BACH2: variants seen among roughly 807,000 people sequenced by gnomAD.
BACH2 encodes the protein transcription regulator protein BACH2.
Under a neutral mutation model 61.8 loss-of-function variants are expected in BACH2, and 5 were observed. The ratio of observed to expected loss-of-function variants is 0.08; its 90% CI spans 0.04 to 0.17. The LOEUF (loss-of-function observed/expected upper bound fraction) is 0.17. Ranked by LOEUF, BACH2 falls within the 10% of genes least tolerant of loss-of-function variation. The pLI is 1.00. For missense variants in BACH2, 824 were observed against 1,091.1 expected (o/e 0.76, Z 3.45); for synonymous variants, 446 against 440.1 (o/e 1.01, Z -0.17).
At chr6:90,016,679 T>C (rs1778081962) in intron 5 of BACH2, among the ~76,000 whole-genome samples, 1 of 152,222 alleles carries the variant, frequency 6.6e-6, no homozygotes, top group African/African-American at 2.4e-5. Context: ...AAGATATAAA[T>C]AATGAGGTAA....
At chr6:90,141,861 A>C (rs765841701) in intron 4 of BACH2, among the ~76,000 whole-genome samples, 9 of 152,186 alleles carry the variant, frequency 5.9e-5, no homozygotes, top group Admixed American at 6.5e-5. Flanking sequence ...AGGGCAGACC[A>C]CTTAAGGCCA....
chr6:90,128,591 C>A (rs374209139), intron 4 of BACH2, among the ~76,000 whole-genome samples: 5 of 152,046 alleles, frequency 3.3e-5, no homozygotes, highest in South Asian at 2.1e-4. Context: ...ACAACAACAA[C>A]AAAAAATTTT....
At chr6:90,011,336 T>C (rs1454512695) in intron 5 of BACH2, among the ~76,000 whole-genome samples, 1 of 152,256 alleles carries the variant, frequency 6.6e-6, no homozygotes, top group Non-Finnish European at 1.5e-5. Flanking sequence ...CCTTTGTATT[T>C]TTACTGAAAA....
At chr6:89,964,994 C>T (rs147113042) in intron 6 of BACH2, among the ~76,000 whole-genome samples, 112 of 152,278 alleles carry the variant, frequency 7.4e-4, no homozygotes, top group African/African-American at 2.5e-3. Context: ...AAGCGATTCT[C>T]GTGCCTCAAC....
intron 1 of BACH2, among the ~76,000 whole-genome samples, chr6:90,291,805 G>A (rs949284438): frequency 6.6e-6 from 1 of 152,122 alleles, no homozygotes; most frequent in Admixed American, 6.5e-5. Flanking sequence ...TCATTCCCAA[G>A]GCCTTGGTGC....
chr6:90,211,588 C>CTGTGTGTGTGTGTG (rs3072674), intron 3 of BACH2, among the ~76,000 whole-genome samples: 81 of 144,136 alleles, frequency 5.6e-4, no homozygotes, highest in Non-Finnish European at 7.7e-4. Flanking sequence ...GTGTCAAGGG[C>CTGTGTGTGTGTGTG]TGTGTGTGTG....
Position 90,102,838 on chromosome 6 carries a change from AT to A in BACH2, c.-161-13730del, listed in dbSNP as rs943504172. ...AATAATAATAATAATAATAATAATA[AT>A]AAAAATAAAAGGACCTTCCATTCAG... On this transcript the variant is annotated intron_variant, in intron 4 of 8. Coordinates refer to ENST00000257749, the MANE Select transcript of BACH2 (RefSeq NM_021813.4). Among the ~76,000 whole-genome samples the A allele has an allele frequency of 3.0e-4, 39 of 128,292 alleles. No homozygotes were observed. In the South Asian group the frequency reaches 3.1e-3, roughly 10 times the overall value. The allele number at this position is 128,292 out of a possible 152,430, so 84.2% of individuals were successfully genotyped here. A position where few individuals can be genotyped will look rare whatever the true frequency, so the allele number is the denominator to read the frequency against.
chr6:90,058,979 T>A (rs1780530431), intron 5 of BACH2, among the ~76,000 whole-genome samples: 1 of 152,182 alleles, frequency 6.6e-6, no homozygotes, highest in Non-Finnish European at 1.5e-5. Context: ...TAATTCAAGA[T>A]GGATTAAAGA....
intron 4 of BACH2, among the ~76,000 whole-genome samples, chr6:90,169,408 ACTC>A (rs1357826924): frequency 6.6e-6 from 1 of 152,030 alleles, no homozygotes; most frequent in East Asian, 1.9e-4. Flanking sequence ...TTCTGCAATA[ACTC>A]CTCCTATTCT....
At chr6:90,040,579 G>T (rs904485237) in intron 5 of BACH2, among the ~76,000 whole-genome samples, 10 of 151,132 alleles carry the variant, frequency 6.6e-5, no homozygotes, top group Admixed American at 5.3e-4. Context: ...ATATTCTGTT[G>T]GTATTTTTAC....
At chr6:89,941,333 CT>C (rs1307578673) in intron 7 of BACH2, among the ~76,000 whole-genome samples, 1 of 152,194 alleles carries the variant, frequency 6.6e-6, no homozygotes, top group Non-Finnish European at 1.5e-5. Flanking sequence ...CAGCTCCGAG[CT>C]TGTGCAGTGT....
At chr6:90,133,918 C>T (rs1582404612) in intron 4 of BACH2, among the ~76,000 whole-genome samples, 3 of 152,142 alleles carry the variant, frequency 2.0e-5, no homozygotes, top group Admixed American at 1.3e-4. Context: ...ATATGTGCCA[C>T]GTTTTCTTAA....
chr6:90,024,605 G>C (rs1778542058), intron 5 of BACH2, among the ~76,000 whole-genome samples: 1 of 152,142 alleles, frequency 6.6e-6, no homozygotes, highest in African/African-American at 2.4e-5. Flanking sequence ...GAAAGTATAG[G>C]AACTTTAGGA....
chr6:90,033,006 A>G (rs1211522817), intron 5 of BACH2, among the ~76,000 whole-genome samples: 1 of 152,180 alleles, frequency 6.6e-6, no homozygotes, highest in Non-Finnish European at 1.5e-5. Flanking sequence ...GTACATATAC[A>G]CCATGGAATA....
rs1772408843 is a variant in BACH2 at position 90,296,650 on chromosome 6, G to T, written c.-616C>A. 1 of 152,914 alleles carries T rather than the reference G, an allele frequency of 6.5e-6. No individual in the cohort carries two copies. The highest frequency in any genetic ancestry group is 1.5e-5 in the Non-Finnish European group (1 of 68,246). The allele number at this position is 152,914 out of a possible 1,614,324, so 9.5% of individuals were successfully genotyped here. Reference sequence around the variant, plus strand: ...CCCAGCCCCCCGAGTGCGCCGGGAAGGGGGAGGGGAAGGGGCGAGGGGAGG... The same window carrying T: ...CCCAGCCCCCCGAGTGCGCCGGGAATGGGGAGGGGAAGGGGCGAGGGGAGG... On this transcript the variant is annotated 5_prime_UTR_variant, in exon 1 of 9. Transcript: ENST00000257749.
intron 2 of BACH2, among the ~76,000 whole-genome samples, chr6:90,258,884 C>T (rs1290159268): frequency 3.3e-5 from 5 of 152,060 alleles, no homozygotes; most frequent in Non-Finnish European, 7.4e-5. Flanking sequence ...AAAAAAAACG[C>T]AACTGATTTT....
chr6:90,084,181 G>A (rs755429213), intron 5 of BACH2, among the ~76,000 whole-genome samples: 18 of 152,140 alleles, frequency 1.2e-4, no homozygotes, highest in Non-Finnish European at 1.5e-4. Context: ...TAGCAAAACC[G>A]TCAGTAAACA....
intron 6 of BACH2, among the ~76,000 whole-genome samples, chr6:89,982,352 T>A (rs1029597508): frequency 2.6e-5 from 4 of 151,930 alleles, no homozygotes; most frequent in African/African-American, 9.7e-5. Context: ...CACTACTGCA[T>A]CTAAAAGGGC....
At chr6:90,214,909 G>T (rs890075821) in intron 3 of BACH2, among the ~76,000 whole-genome samples, 17 of 151,968 alleles carry the variant, frequency 1.1e-4, no homozygotes, top group African/African-American at 3.9e-4. Flanking sequence ...CTACAGGTGT[G>T]CACCACCCAT....
Sources: allele counts gnomAD v4.1 joint callset (sites outside exome capture counted in the v4.1 genomes callset), GRCh38; gene constraint gnomAD v4.1.1; transcripts MANE v1.5; gene names NCBI Gene and HGNC (gene_info 2026-07-23, HGNC 2026-07-21).